Variants in PET117 observed in about 807,000 individuals in gnomAD.
PET117 encodes the protein protein PET117 homolog, mitochondrial.
PET117 carries 10 observed loss-of-function variants against 9.2 expected under a neutral mutation model. The ratio of observed to expected loss-of-function variants is 1.09; its 90% CI spans 0.67 to 1.85. The LOEUF is 1.85. Among genes scored for constraint, PET117 ranks in the 40% most tolerant of loss-of-function variants. PET117 has a pLI of 0.00. For synonymous variants in PET117, 43 were observed against 37.1 expected (o/e 1.16, Z -0.57); for missense variants, 96 against 98.2 (o/e 0.98, Z 0.09).
At chr20:18,142,079 A>C (rs2037608059) in intron 1 of PET117, 129 bp from the exon 2 acceptor site, 5 of 941,686 alleles carry the variant, frequency 5.3e-6, no homozygotes, top group Non-Finnish European at 6.0e-6. Context: ...AAATTAAAAT[A>C]GTAACTGGGT....
Position 18,138,616 on chromosome 20 carries a change from G to C in PET117, c.96+565G>C, listed in dbSNP as rs143580841. ...GCCTTTGACCAAGATAATTTGGTGA[G>C]ATGTTTGCACTTCTCGTTTAAATGA... On this transcript the variant is annotated intron_variant, in intron 1 of 1. Transcript: ENST00000432901. The C allele has an allele frequency of 5.1e-5, 13 of 254,638 alleles. No homozygotes were observed. The East Asian group carries it at 2.1e-3, about 41-fold the overall frequency. The allele number at this position is 254,638 out of a possible 1,614,324, so 15.8% of individuals were successfully genotyped here.
intron 1 of PET117, among the ~76,000 whole-genome samples, chr20:18,141,040 TTTTTTTA>T (rs541804483): frequency 0.32 from 17,277 of 54,528 alleles, 1,225 homozygotes; most frequent in South Asian, 0.4. Context: ...TTTTTTTTTT[TTTTTTTA>T]TTTTTATTTT....
At chr20:18,141,041 T>TTTTA (rs200257656) in intron 1 of PET117, among the ~76,000 whole-genome samples, 4,668 of 43,172 alleles carry the variant, frequency 0.11, 75 homozygotes, top group South Asian at 0.16. Context: ...TTTTTTTTTT[T>TTTTA]TTTTTATTTT....
intron 1 of PET117, among the ~76,000 whole-genome samples, chr20:18,139,032 T>G (rs1286906476): frequency 6.6e-6 from 1 of 152,176 alleles, no homozygotes; most frequent in Non-Finnish European, 1.5e-5. Flanking sequence ...CTTTTCTTGA[T>G]TTGCCTACCC....
intron 1 of PET117, among the ~76,000 whole-genome samples, chr20:18,139,650 GTGTGTGTGTGTGTGTGTGTGTGTGTT>G (rs1195012284): frequency 5.5e-5 from 6 of 108,954 alleles, no homozygotes; most frequent in East Asian, 6.0e-4. Context: ...GTGTGTGTGT[GTGTGTGTGTGTGTGTGTGTGTGTGTT>G]TATTTTTTTT....
intron 1 of PET117, chr20:18,138,490 C>A (rs1228457536): frequency 1.0e-6 from 1 of 983,128 alleles, no homozygotes; most frequent in African/African-American, 1.7e-5. Flanking sequence ...CTACCAGCCT[C>A]CCTCCTGGCC....
At chr20:18,138,101 C>T (rs374808358) in intron 1 of PET117, 50 bp downstream of exon 1, 8 of 1,427,834 alleles carry the variant, frequency 5.6e-6, no homozygotes, top group Non-Finnish European at 6.4e-6. Context: ...CGGCGTCGAC[C>T]TGGGGCCTCT....
At chr20:18,139,054 CTGTGCTA>C (rs1568660743) in intron 1 of PET117, among the ~76,000 whole-genome samples, 1 of 152,182 alleles carries the variant, frequency 6.6e-6, no homozygotes. Flanking sequence ...GACCTTTGGA[CTGTGCTA>C]TGTGCTTGAT....
intron 1 of PET117, among the ~76,000 whole-genome samples, chr20:18,138,995 G>A (rs1180210895): frequency 6.6e-6 from 1 of 152,194 alleles, no homozygotes; most frequent in South Asian, 2.1e-4. Flanking sequence ...TGAAAATAAT[G>A]GACTGGATGA....
At position 18,138,089 on chromosome 20, in the gene PET117, C is replaced by T. The variant is rs544054827; in HGVS notation, c.96+38C>T. On this transcript the variant is annotated intron_variant, in intron 1 of 1. Coordinates refer to ENST00000432901, the MANE Select transcript of PET117 (RefSeq NM_001164811.2). ...TGACCGTCTCTTCCGGGCCCGCGCG[C>T]GCGGCGTCGACCTGGGGCCTCTCGT... 7.0e-6 allele frequency: 10 copies of T among 1,437,378 alleles called. 1 individual carries two copies. In the African/African-American group the frequency reaches 1.3e-4, roughly 19 times the overall value. The allele number at this position is 1,437,378 out of a possible 1,614,324, so 89.0% of individuals were successfully genotyped here. A position where few individuals can be genotyped will look rare whatever the true frequency, so the allele number is the denominator to read the frequency against.
rs565965427 is a variant in PET117, at chr20:18,139,561, A to C, written c.96+1510A>C. 2.6e-5 allele frequency among the ~76,000 whole-genome samples: 4 copies of C among 152,268 alleles called. No individual in the cohort carries two copies. In the South Asian group the frequency reaches 6.2e-4, roughly 24 times the overall value. ...AAAGTAACCCAGAGAATTTTAACAC[A>C]GGACTAAGCACCATTGTGTTACAGA... On this transcript the variant is annotated intron_variant, in intron 1 of 1. Coordinates refer to ENST00000432901, the MANE Select transcript of PET117 (RefSeq NM_001164811.2).
In PET117 at chr20:18,142,900, C is replaced by G. The variant is rs749104372; in HGVS notation, c.*543C>G. 2 of 1,613,766 alleles carry G rather than the reference C, an allele frequency of 1.2e-6. No homozygotes were observed. Among genetic ancestry groups the G allele is most frequent in the Admixed American group, 3.3e-5 (2 of 59,974 alleles). On this transcript the variant is annotated 3_prime_UTR_variant, in exon 2 of 2. Coordinates refer to ENST00000432901, the MANE Select transcript of PET117 (RefSeq NM_001164811.2). ...AGCTGTCCTACTTCTGTGACAAGTGCCAAAAATGGATACCAGCCAGTAAGG... is the reference window on the plus strand; with the variant it reads ...AGCTGTCCTACTTCTGTGACAAGTGGCAAAAATGGATACCAGCCAGTAAGG...
chr20:18,138,069 G>T lies in PET117; in HGVS notation c.96+18G>T, dbSNP rs2037360681. On this transcript the variant is annotated intron_variant, in intron 1 of 1. Coordinates refer to ENST00000432901, the MANE Select transcript of PET117 (RefSeq NM_001164811.2). ...ACCAGCAGGTCGGTGTCACGTGACC[G>T]TCTCTTCCGGGCCCGCGCGCGCGGC... 6.8e-7 allele frequency: 1 copy of T among 1,460,496 alleles called. No homozygotes were observed. The highest frequency in any genetic ancestry group is 2.5e-5 in the Admixed American group (1 of 39,290). 90.5% of individuals were successfully genotyped at this position (1,460,496 alleles called of 1,614,324 possible).
rs537825935 is a variant in PET117 at position 18,139,768 on chromosome 20, G to A, written c.96+1717G>A. 2.0e-5 allele frequency among the ~76,000 whole-genome samples: 3 copies of A among 152,110 alleles called. No individual in the cohort carries two copies. In the South Asian group the frequency reaches 6.2e-4, roughly 32 times the overall value. On this transcript the variant is annotated intron_variant, in intron 1 of 1. Coordinates refer to ENST00000432901, the MANE Select transcript of PET117 (RefSeq NM_001164811.2). ...GACTAGGACAAATGATTAGCACAGTGGATGTGTCGGAAGGTTCAAGGAAGC... is the reference window on the plus strand; with the variant it reads ...GACTAGGACAAATGATTAGCACAGTAGATGTGTCGGAAGGTTCAAGGAAGC...
chr20:18,139,560 C>G (rs2037442693), intron 1 of PET117, among the ~76,000 whole-genome samples: 3 of 152,016 alleles, frequency 2.0e-5, no homozygotes. Flanking sequence ...AATTTTAACA[C>G]AGGACTAAGC....
In PET117 at chr20:18,138,007, G is replaced by A; in HGVS notation, c.52G>A (p.Ala18Thr). The A allele has an allele frequency of 6.7e-7, 1 of 1,503,690 alleles. No individual in the cohort carries two copies. The allele number at this position is 1,503,690 out of a possible 1,614,324, so 93.1% of individuals were successfully genotyped here. ...GGGCCTCTCGGTGCTGCTGACGGCG[G>A]CCACAGTGGCCGGCGTACATGTGAA... is the stretch of plus-strand genomic sequence containing the variant. The part of the protein sequence containing the change: ...VLGLSVLLTA[A>T]TVAGVHVKQQ... Residue 18 changes from alanine (A) to threonine (T), a missense_variant, in exon 1 of 2, where the codon GCC (alanine) becomes ACC (threonine). By Grantham distance (58) the Ala-to-Thr change is moderately conservative. Coordinates refer to ENST00000432901, the MANE Select transcript of PET117 (RefSeq NM_001164811.2).
intron 1 of PET117, among the ~76,000 whole-genome samples, chr20:18,140,818 CAAAA>C (rs1157203058): frequency 2.5e-5 from 2 of 79,076 alleles, no homozygotes; most frequent in African/African-American, 5.1e-5. Flanking sequence ...GACTCCTTCT[CAAAA>C]AAAAAAAAAA....
intron 1 of PET117, among the ~76,000 whole-genome samples, chr20:18,141,146 G>A (rs1219234107): frequency 6.7e-6 from 1 of 149,456 alleles, no homozygotes; most frequent in Non-Finnish European, 1.5e-5. Context: ...AAGATTACAG[G>A]AGTGCTGGGA....
intron 1 of PET117, among the ~76,000 whole-genome samples, chr20:18,141,054 T>G (rs1423326177): frequency 8.2e-6 from 1 of 121,358 alleles, no homozygotes; most frequent in Non-Finnish European, 1.8e-5. Flanking sequence ...TTTATTTTTA[T>G]TTTTGCTAGA....
Sources: gnomAD v4.1 joint callset for allele counts (sites outside exome capture counted in the v4.1 genomes callset) on GRCh38, gnomAD v4.1.1 for gene constraint, MANE v1.5 for transcripts, NCBI Gene and HGNC (gene_info 2026-07-23, HGNC 2026-07-21) for gene names.